The following P2RX1 variants were observed in gnomAD, a reference collection of about 807,000 sequenced individuals.
P2RX1 encodes the protein P2X purinoceptor 1.
Under a neutral mutation model 50.3 loss-of-function variants are expected in P2RX1, and 42 were observed. The ratio of observed to expected loss-of-function variants is 0.83; its 90% CI spans 0.65 to 1.08. The LOEUF (loss-of-function observed/expected upper bound fraction) is 1.08, where lower values mean the gene tolerates loss of function less well. Ranked by LOEUF, P2RX1 falls within the 50% of genes least tolerant of loss-of-function variation. The probability of loss-of-function intolerance (pLI) is 0.00; values close to 1 mark genes in which losing one functional copy is unlikely to be tolerated. For missense variants in P2RX1, 449 were observed against 529.0 expected (o/e 0.85, Z 1.48); for synonymous variants, 199 against 202.6 (o/e 0.98, Z 0.15).
At position 3,916,419 on chromosome 17, in the gene P2RX1, T is replaced by C. The variant is rs1167249602; in HGVS notation, c.-194A>G. The C allele has an allele frequency of 1.7e-6, 1 of 604,550 alleles. No individual in the cohort carries two copies. Among genetic ancestry groups the C allele is most frequent in the Non-Finnish European group, 2.9e-6 (1 of 343,182 alleles). 37.4% of individuals were successfully genotyped at this position (604,550 alleles called of 1,614,324 possible). ...GGAGGCACTTGGGTTGGAGAGAGAATCCCTGGGTGATCAGAGCAGCTCTTG... is the reference window on the plus strand; with the variant it reads ...GGAGGCACTTGGGTTGGAGAGAGAACCCCTGGGTGATCAGAGCAGCTCTTG... On this transcript the variant is annotated 5_prime_UTR_variant, in exon 1 of 12. Coordinates refer to ENST00000225538, the MANE Select transcript of P2RX1 (RefSeq NM_002558.4).
At chr17:3,902,855 C>T (rs1205265188) in intron 7 of P2RX1, among the ~76,000 whole-genome samples, 2 of 151,994 alleles carry the variant, frequency 1.3e-5, no homozygotes. Flanking sequence ...GTGATCCACC[C>T]GCCTCTGACT....
rs754316866 is a variant in P2RX1 at position 3,904,883 on chromosome 17, T to C, written c.332A>G (p.Lys111Arg). Residue 111 changes from lysine (K) to arginine (R), a missense_variant, in exon 3 of 12, where the codon AAG becomes AGG. By Grantham distance (26) the Lys-to-Arg change is conservative (BLOSUM62 2). Transcript: ENST00000225538. ...VVMTNFIVTP[K>R]QTQGYCAEHP... is the part of the protein sequence containing the mutation. ...CTCTGCGCAGTAGCCTTGAGTCTGC[T>C]TCGGGGTCACGATGAAATTGGTCAT... The C allele has an allele frequency of 1.6e-5, 24 of 1,522,658 alleles. No individual in the cohort carries two copies. In the East Asian group the frequency reaches 4.3e-4, roughly 27 times the overall value. 94.3% of individuals were successfully genotyped at this position (1,522,658 alleles called of 1,614,324 possible). A position where few individuals can be genotyped will look rare whatever the true frequency, so the allele number is the denominator to read the frequency against.
intron 3 of P2RX1, 162 bp from the exon 4 acceptor site, chr17:3,904,561 C>T: frequency 1.4e-6 from 1 of 711,632 alleles, no homozygotes; most frequent in Non-Finnish European, 2.4e-6. Flanking sequence ...TCCCCCCACA[C>T]TGCTCTGCCG....
At chr17:3,913,540 C>A (rs933783820) in intron 1 of P2RX1, among the ~76,000 whole-genome samples, 1 of 152,208 alleles carries the variant, frequency 6.6e-6, no homozygotes, top group African/African-American at 2.4e-5. Flanking sequence ...GCATGACTGG[C>A]GGAGACCATG....
In P2RX1 at chr17:3,908,665, A is replaced by G. The variant is rs539534789; in HGVS notation, c.138-3298T>C. On this transcript the variant is annotated intron_variant, in intron 1 of 11. Transcript: ENST00000225538. ...TGTCACCACCCTGGGAAGACAACCA[A>G]GAGGGCCTGATGTCAGACACAGGCA... Among the ~76,000 whole-genome samples, 3 of 152,316 alleles carry G rather than the reference A, an allele frequency of 2.0e-5. No homozygotes were observed. The South Asian group carries it at 6.2e-4, about 32-fold the overall frequency.
At chr17:3,901,267 C>T (rs544558199) in intron 7 of P2RX1, among the ~76,000 whole-genome samples, 35 of 152,330 alleles carry the variant, frequency 2.3e-4, no homozygotes, top group African/African-American at 6.5e-4. Context: ...CGGGGTTTCA[C>T]CGTGTTAGCC....
intron 2 of P2RX1, 127 bp from the exon 3 acceptor site, chr17:3,905,056 T>C: frequency 8.7e-7 from 1 of 1,149,346 alleles, no homozygotes; most frequent in Non-Finnish European, 1.2e-6. Flanking sequence ...CCACACCCCC[T>C]GCCACCAACA....
intron 1 of P2RX1, among the ~76,000 whole-genome samples, chr17:3,908,934 C>A (rs1312954649): frequency 6.6e-6 from 1 of 152,250 alleles, no homozygotes; most frequent in African/African-American, 2.4e-5. Context: ...CTCAAAGGCG[C>A]TGCTTATTCA....
Position 3,903,564 on chromosome 17 carries a change from A to G in P2RX1, c.592T>C (p.Phe198Leu). ...FIKNSISFPR[F>L]KVNRRNLVEE... ...TTTCCCACGCACCTGTTGACCTTGA[A>G]GCGTGGAAAGCTGATGCTGTTCTTG... The change falls in exon 6 of 12, where the codon TTC becomes CTC. Residue 198 changes from phenylalanine (F) to leucine (L), a missense_variant. Phe to Leu is a conservative substitution (Grantham distance 22). Transcript: ENST00000225538. This position sits in a 1 kb window ranked among gnomAD's most constrained non-coding sequence, Gnocchi z 4.6. 1 of 1,614,174 alleles carries G rather than the reference A, an allele frequency of 6.2e-7. No homozygotes were observed. Among genetic ancestry groups the G allele is most frequent in the Non-Finnish European group, 8.5e-7 (1 of 1,180,016 alleles).
chr17:3,910,579 GGGGCAGCTCT>G (rs1272093544), intron 1 of P2RX1, among the ~76,000 whole-genome samples: 16 of 152,372 alleles, frequency 1.1e-4, no homozygotes, highest in Non-Finnish European at 1.6e-4. Flanking sequence ...GACAGGTGCG[GGGGCAGCTCT>G]GGCATGGGTT....
chr17:3,904,092 A>G (rs1042153891), intron 4 of P2RX1, 68 bp from the exon 5 acceptor site: 15 of 1,297,984 alleles, frequency 1.2e-5, no homozygotes, highest in African/African-American at 2.9e-5. Context: ...CCCCTTCTCC[A>G]GGAGCTCCCA....
In P2RX1 at chr17:3,904,844, G is replaced by A. The variant is rs765785897; in HGVS notation, c.357+14C>T. On this transcript the variant is annotated intron_variant, in intron 3 of 11. Transcript: ENST00000225538. ...GTGAGTCCCAGAAGGGGGCTGGCGG[G>A]CAGAAGTCCTCACCTCTGCGCAGTA... is the stretch of plus-strand genomic sequence containing the variant. 2 of 1,583,096 alleles carry A rather than the reference G, an allele frequency of 1.3e-6. No homozygotes were observed. Among genetic ancestry groups the A allele is most frequent in the Non-Finnish European group, 1.7e-6 (2 of 1,163,830 alleles).
At chr17:3,900,142 C>T (rs115992980) in intron 7 of P2RX1, among the ~76,000 whole-genome samples, 53 of 149,646 alleles carry the variant, frequency 3.5e-4, no homozygotes, top group African/African-American at 1.3e-3. Flanking sequence ...AGCTGGTACA[C>T]GCACTCTCTC....
intron 1 of P2RX1, among the ~76,000 whole-genome samples, chr17:3,911,830 C>A (rs2056370641): frequency 6.6e-6 from 1 of 152,212 alleles, no homozygotes. Context: ...TGTGTCCCGA[C>A]AGGAGAGCCT....
chr17:3,907,290 C>CGTGTGTGTGTGTGTGTGT (rs147411964), intron 1 of P2RX1, among the ~76,000 whole-genome samples: 1,795 of 134,382 alleles, frequency 0.013, 28 homozygotes, highest in South Asian at 0.023. Flanking sequence ...TTCAGGGTAA[C>CGTGTGTGTGTGTGTGTGT]GTGTGTGTGT....
rs753328446 is a variant in P2RX1, at chr17:3,915,971, G to T, written c.137+118C>A. 151 of 1,191,536 alleles carry T rather than the reference G, an allele frequency of 1.3e-4. 1 individual carries two copies. The highest frequency in any genetic ancestry group is 8.1e-5 in the Admixed American group (4 of 49,660). The allele number at this position is 1,191,536 out of a possible 1,614,324, so 73.8% of individuals were successfully genotyped here. On this transcript the variant is annotated intron_variant, in intron 1 of 11. Transcript: ENST00000225538. The stretch of plus-strand genomic sequence containing the variant: ...TCTCGCACAGTGGCTTGCCAGGAAG[G>T]CCTTCCCCTGGATGGAGAGGAAGAG...
chr17:3,904,961 G>A, intron 2 of P2RX1, 32 bp from the exon 3 acceptor site: 2 of 1,114,012 alleles, frequency 1.8e-6, no homozygotes, highest in East Asian at 2.4e-5. Flanking sequence ...AGGGTGGGGT[G>A]GGCTGGGAGC....
At chr17:3,905,148 A>C in intron 2 of P2RX1, 72 bp downstream of exon 2, 1 of 1,561,586 alleles carries the variant, frequency 6.4e-7, no homozygotes, top group Non-Finnish European at 8.8e-7. Flanking sequence ...TCCCACAGGG[A>C]CGTGGGACAG....
chr17:3,897,598 A>C lies in P2RX1; in HGVS notation c.*216T>G. ...TTCCCCACCAGGAGCGGCTGAGGCT[A>C]GGGTAGGGCTCCCTCAGGGTGTGTG... On this transcript the variant is annotated 3_prime_UTR_variant, in exon 12 of 12. Coordinates refer to ENST00000225538, the MANE Select transcript of P2RX1 (RefSeq NM_002558.4). 1.7e-6 allele frequency: 1 copy of C among 599,934 alleles called. No individual in the cohort carries two copies. The highest frequency in any genetic ancestry group is 2.8e-5 in the East Asian group (1 of 35,134). The allele number at this position is 599,934 out of a possible 1,614,324, so 37.2% of individuals were successfully genotyped here.
Sources: gnomAD v4.1 joint callset for allele counts (sites outside exome capture counted in the v4.1 genomes callset) on GRCh38, gnomAD v4.1.1 for gene constraint, Gnocchi (gnomAD v3.1) non-coding constraint, MANE v1.5 for transcripts, NCBI Gene and HGNC (gene_info 2026-07-23, HGNC 2026-07-21) for gene names.